Variants in ZNF236 observed in about 807,000 individuals in gnomAD.
ZNF236 encodes regulated by glucose.
Under a neutral mutation model 191.2 loss-of-function variants are expected in ZNF236, and 50 were observed. The observed-to-expected ratio is 0.26, with a 90% CI of 0.21 to 0.33. ZNF236 has a LOEUF of 0.33. ZNF236 is among the 10% of genes least tolerant of loss of function. The pLI is 1.00. For missense variants in ZNF236, 1,754 were observed against 2,374.5 expected (o/e 0.74, Z 5.43); for synonymous variants, 907 against 928.8 (o/e 0.98, Z 0.43).
intron 28 of ZNF236, among the ~76,000 whole-genome samples, chr18:76,956,657 C>T (rs1312369690): frequency 2.6e-5 from 4 of 152,228 alleles, no homozygotes; most frequent in Non-Finnish European, 4.4e-5. Context: ...CCACGCTTTC[C>T]ACTGCAGCAG....
rs569951417 is a variant in ZNF236 at position 76,947,804 on chromosome 18, A to G, written c.4914+152A>G. On this transcript the variant is annotated intron_variant, in intron 27 of 30. Transcript: ENST00000320610. The stretch of plus-strand genomic sequence containing the variant: ...GTCCCCGGCTGAATCCTGAGTGGAC[A>G]TAGGCCCTGCGGGGGCGTGTGTTGA... 1.2e-5 allele frequency: 10 copies of G among 858,136 alleles called. No homozygotes were observed. The African/African-American group carries it at 1.5e-4, about 13-fold the overall frequency. The allele number at this position is 858,136 out of a possible 1,614,324, so 53.2% of individuals were successfully genotyped here.
chr18:76,862,117 C>T (rs9952277), intron 3 of ZNF236, among the ~76,000 whole-genome samples: 3,601 of 152,232 alleles, frequency 0.024, 118 homozygotes, highest in African/African-American at 0.079. Context: ...TCTGCCTCAG[C>T]CTCCCAAAAT....
chr18:76,919,633 T>C lies in ZNF236; in HGVS notation c.3275-143T>C, dbSNP rs893773464. 25 of 1,020,572 alleles carry C rather than the reference T, an allele frequency of 2.4e-5. No individual in the cohort carries two copies. In the Admixed American group the frequency reaches 4.6e-4, roughly 19 times the overall value. 63.2% of individuals were successfully genotyped at this position (1,020,572 alleles called of 1,614,324 possible). A position where few individuals can be genotyped will look rare whatever the true frequency, so the allele number is the denominator to read the frequency against. ...GTTTCTCAATAGAGGTGGGAAAATA[T>C]AGCAACTCTCTACCATCATAAAAAT... On this transcript the variant is annotated intron_variant, in intron 19 of 30. Coordinates refer to ENST00000320610, the MANE Select transcript of ZNF236 (RefSeq NM_001306089.2). The surrounding 1 kb of genome is among the most constrained non-coding windows in gnomAD (Gnocchi z 5.3).
chr18:76,945,784 CA>C (rs1046745678), intron 26 of ZNF236, among the ~76,000 whole-genome samples: 2 of 151,672 alleles, frequency 1.3e-5, no homozygotes, highest in African/African-American at 4.8e-5. Context: ...ACTTTATCTC[CA>C]AAAAAAGAAA....
chr18:76,908,269 G>A (rs1378659916), intron 13 of ZNF236, 51 bp from the exon 14 acceptor site: 1 of 1,561,462 alleles, frequency 6.4e-7, no homozygotes, highest in Non-Finnish European at 8.7e-7. Context: ...TCCCAGGCAA[G>A]TAACCTTTGA....
intron 19 of ZNF236, among the ~76,000 whole-genome samples, chr18:76,916,905 A>G (rs1967381782): frequency 6.6e-6 from 1 of 152,128 alleles, no homozygotes; most frequent in South Asian, 2.1e-4. Context: ...TCCTCTCTCA[A>G]GGTACTGCCC....
At position 76,927,947 on chromosome 18, in the gene ZNF236, G is replaced by A. The variant is rs750672461; in HGVS notation, c.4435G>A (p.Val1479Met). The A allele has an allele frequency of 3.7e-6, 6 of 1,607,484 alleles. No homozygotes were observed. The highest frequency in any genetic ancestry group is 5.1e-6 in the Non-Finnish European group (6 of 1,176,758). The change falls in exon 25 of 31, where the codon GTG becomes ATG. Residue 1479 changes from valine to methionine, a missense_variant. Physicochemically the swap from Val to Met is conservative, Grantham distance 21. Coordinates refer to ENST00000320610, the MANE Select transcript of ZNF236 (RefSeq NM_001306089.2). The surrounding 1 kb of genome is among the most constrained non-coding windows in gnomAD (Gnocchi z 5.4). ...ATCAGGGACCCAAGACCTCACTCAA[G>A]TGATGACTTCGCAAGGTCTAGTGTC... ...NSSGTQDLTQVMTSQGLVSPS... is the reference protein window; with the variant it reads ...NSSGTQDLTQMMTSQGLVSPS...
intron 13 of ZNF236, among the ~76,000 whole-genome samples, chr18:76,908,100 G>T (rs1036031763): frequency 6.6e-6 from 1 of 152,138 alleles, no homozygotes; most frequent in Non-Finnish European, 1.5e-5. Context: ...TTCGTGCCTT[G>T]TGTCTTGTAG....
At chr18:76,904,208 A>T (rs891678609) in intron 11 of ZNF236, among the ~76,000 whole-genome samples, 172 bp from the exon 12 acceptor site, 1 of 151,950 alleles carries the variant, frequency 6.6e-6, no homozygotes, top group African/African-American at 2.4e-5. Context: ...ATGTTTCCCC[A>T]TAGGTATTCT....
intron 1 of ZNF236, among the ~76,000 whole-genome samples, chr18:76,843,621 C>T (rs534976632): frequency 2.0e-5 from 3 of 150,244 alleles, no homozygotes; most frequent in Admixed American, 2.0e-4. Context: ...ACTAAAAATA[C>T]AAAAATTAGC....
chr18:76,968,965 T>C lies in ZNF236; in HGVS notation c.*626T>C. 1.0e-6 allele frequency: 1 copy of C among 985,980 alleles called. No homozygotes were observed. The highest frequency in any genetic ancestry group is 1.2e-6 in the Non-Finnish European group (1 of 830,048). 61.1% of individuals were successfully genotyped at this position (985,980 alleles called of 1,614,324 possible). ...TTAATCATTAGTTACAAGAATGCAG[T>C]ATCTGGGGCGTCAACATGGGGACTC... On this transcript the variant is annotated 3_prime_UTR_variant, in exon 31 of 31. Transcript: ENST00000320610.
chr18:76,943,716 A>G (rs1299791123), intron 26 of ZNF236, among the ~76,000 whole-genome samples: 3 of 152,242 alleles, frequency 2.0e-5, no homozygotes, highest in East Asian at 1.9e-4. Context: ...TGAAGTAACA[A>G]GTTAGTTGTA....
chr18:76,843,775 C>CAA (rs780026489), intron 1 of ZNF236, among the ~76,000 whole-genome samples: 12 of 8,244 alleles, frequency 1.5e-3, no homozygotes, highest in African/African-American at 5.3e-3. Context: ...GACTCCGTCT[C>CAA]AAAAAAAAAA....
At chr18:76,949,864 G>A (rs919030992) in intron 27 of ZNF236, among the ~76,000 whole-genome samples, 1 of 151,914 alleles carries the variant, frequency 6.6e-6, no homozygotes, top group Non-Finnish European at 1.5e-5. Context: ...TTGCCATGTT[G>A]CCAGGCTGGT....
chr18:76,926,910 A>G (rs1311089000), intron 22 of ZNF236, 127 bp from the exon 23 acceptor site: 2 of 1,154,948 alleles, frequency 1.7e-6, no homozygotes, highest in East Asian at 5.0e-5. Context: ...CGTATTCCAC[A>G]ACAACATTGT....
At chr18:76,871,570 A>T (rs1383353462) in intron 4 of ZNF236, 131 bp from the exon 5 acceptor site, 2 of 921,882 alleles carry the variant, frequency 2.2e-6, no homozygotes, top group African/African-American at 1.6e-5. Flanking sequence ...ACATACATAT[A>T]TGTGATTGAT....
At position 76,899,143 on chromosome 18, in the gene ZNF236, T is replaced by G; in HGVS notation, c.1815T>G (p.Pro605=). 1 of 1,614,184 alleles carries G rather than the reference T, an allele frequency of 6.2e-7. No individual in the cohort carries two copies. Among genetic ancestry groups the G allele is most frequent in the Non-Finnish European group, 8.5e-7 (1 of 1,180,018 alleles). The change falls in exon 11 of 31, where the codon CCT becomes CCG. Residue 605 remains proline, a synonymous_variant. Transcript: ENST00000320610. ...GGAAAATGAGGCACCAGCGTAAACC[T>G]GCAAAGGTCCGTGTTGGCAAGACGA... ...ELRKMRHQRK[P]AKVRVGKTNI...
At chr18:76,856,292 C>T (rs906033519) in intron 3 of ZNF236, among the ~76,000 whole-genome samples, 3 of 152,130 alleles carry the variant, frequency 2.0e-5, no homozygotes, top group Non-Finnish European at 2.9e-5. Context: ...AAGCGATTCT[C>T]CTGCCTCAGC....
At chr18:76,944,378 A>G (rs928441453) in intron 26 of ZNF236, among the ~76,000 whole-genome samples, 16 of 152,248 alleles carry the variant, frequency 1.1e-4, no homozygotes, top group African/African-American at 3.9e-4. Flanking sequence ...CCAAAAGTAA[A>G]TAACCTTTAG....
Sources: gnomAD v4.1 joint callset for allele counts (sites outside exome capture counted in the v4.1 genomes callset) on GRCh38, gnomAD v4.1.1 for gene constraint, Gnocchi (gnomAD v3.1) non-coding constraint, MANE v1.5 for transcripts, NCBI Gene and HGNC (gene_info 2026-07-23, HGNC 2026-07-21) for gene names.